UBXN4: variants seen among roughly 807,000 people sequenced by gnomAD.
The protein encoded by UBXN4 is UBX domain-containing protein 4.
UBXN4 carries 35 observed loss-of-function variants against 66.2 expected under a neutral mutation model. The ratio of observed to expected loss-of-function variants is 0.53; its 90% CI spans 0.40 to 0.70. The LOEUF (loss-of-function observed/expected upper bound fraction) is 0.70. Ranked by LOEUF, UBXN4 falls within the 30% of genes least tolerant of loss-of-function variation. The pLI is 0.00. For synonymous variants in UBXN4, 203 were observed against 204.5 expected, an observed-to-expected ratio of 0.99 and a Z score of 0.06; for missense variants, 533 against 599.8, an observed-to-expected ratio of 0.89 and a Z score of 1.16.
intron 10 of UBXN4, among the ~76,000 whole-genome samples, chr2:135,777,325 T>G (rs1378672023): frequency 6.6e-6 from 1 of 152,182 alleles, no homozygotes; most frequent in Non-Finnish European, 1.5e-5. Flanking sequence ...AGGTTAAAAT[T>G]AGGGATTTGG....
chr2:135,765,454 G>T (rs1036280269), intron 6 of UBXN4, among the ~76,000 whole-genome samples: 31 of 151,762 alleles, frequency 2.0e-4, no homozygotes, highest in Admixed American at 2.0e-3. Flanking sequence ...CAGGTGATCT[G>T]CCCGCCTCGG....
At chr2:135,759,901 C>T (rs6757544) in intron 5 of UBXN4, among the ~76,000 whole-genome samples, 147,245 of 151,660 alleles carry the variant, frequency 0.97, 71,598 homozygotes, top group Non-Finnish European at 1. Context: ...TCCAAGTAGC[C>T]GGGATTATAG....
At chr2:135,747,172 C>G (rs1320175329) in intron 1 of UBXN4, among the ~76,000 whole-genome samples, 1 of 130,920 alleles carries the variant, frequency 7.6e-6, no homozygotes, top group African/African-American at 2.9e-5. Flanking sequence ...ATAGTGAAAC[C>G]CCATCTCTAC....
intron 10 of UBXN4, among the ~76,000 whole-genome samples, chr2:135,776,910 A>G (rs1177434266): frequency 2.6e-5 from 4 of 152,074 alleles, no homozygotes; most frequent in Non-Finnish European, 5.9e-5. Flanking sequence ...AACTTTTTTC[A>G]CTGATTAGTA....
Position 135,774,674 on chromosome 2 carries a change from G to A in UBXN4, c.951-1575G>A, listed in dbSNP as rs188048800. On this transcript the variant is annotated intron_variant, in intron 9 of 12. Coordinates refer to ENST00000272638, the MANE Select transcript of UBXN4 (RefSeq NM_014607.4). ...AGCCTCGCCAACGTGGCAAAAAACC[G>A]TCCCTACTAAAAATACAAAAATTAA... Among the ~76,000 whole-genome samples, 16 of 152,022 alleles carry A rather than the reference G, an allele frequency of 1.1e-4. No homozygotes were observed. In the East Asian group the frequency reaches 2.9e-3, roughly 28 times the overall value.
intron 9 of UBXN4, among the ~76,000 whole-genome samples, chr2:135,773,010 C>T (rs1186051005): frequency 7.9e-6 from 1 of 126,782 alleles, no homozygotes; most frequent in Non-Finnish European, 1.6e-5. Flanking sequence ...GCACTCCAGC[C>T]TGGGCGACAG....
At position 135,782,736 on chromosome 2, in the gene UBXN4, T is replaced by C. The variant is rs1191493605; in HGVS notation, c.1389-13T>C. On this transcript the variant is annotated splice_polypyrimidine_tract_variant and intron_variant, in intron 12 of 12. Transcript: ENST00000272638. ...TATGACATCTTCCCCTTGCTCCCTC[T>C]TTTTCGTATCAGGGAACCAGTGAGA... 2.5e-6 allele frequency: 4 copies of C among 1,609,396 alleles called. No homozygotes were observed. Among genetic ancestry groups the C allele is most frequent in the Non-Finnish European group, 3.4e-6 (4 of 1,178,642 alleles).
intron 3 of UBXN4, 177 bp from the exon 4 acceptor site, chr2:135,753,982 C>T: frequency 1.8e-6 from 1 of 542,166 alleles, no homozygotes; most frequent in Middle Eastern, 4.9e-4. Flanking sequence ...CATAAATTAA[C>T]ATGTCACATG....
intron 4 of UBXN4, among the ~76,000 whole-genome samples, chr2:135,755,075 C>G (rs1279225310): frequency 6.6e-6 from 1 of 152,238 alleles, no homozygotes; most frequent in Non-Finnish European, 1.5e-5. Context: ...TGAGCCACCA[C>G]ACCTAGCCAT....
intron 6 of UBXN4, among the ~76,000 whole-genome samples, chr2:135,768,458 A>G (rs1443760087): frequency 6.6e-6 from 1 of 151,972 alleles, no homozygotes; most frequent in Non-Finnish European, 1.5e-5. Context: ...CGGCCTCCCA[A>G]AGTGGTGGGA....
chr2:135,758,530 CTATT>C (rs986274346), intron 5 of UBXN4, among the ~76,000 whole-genome samples: 13 of 151,956 alleles, frequency 8.6e-5, no homozygotes, highest in African/African-American at 2.9e-4. Context: ...CTTTTTAAAA[CTATT>C]TATTATGGAA....
intron 10 of UBXN4, among the ~76,000 whole-genome samples, chr2:135,777,730 A>G (rs1253972332): frequency 6.6e-6 from 1 of 151,060 alleles, no homozygotes; most frequent in Non-Finnish European, 1.5e-5. Flanking sequence ...TAAAAATACA[A>G]AAATTAGCCG....
chr2:135,772,649 C>A, intron 9 of UBXN4, 102 bp downstream of exon 9: 1 of 1,431,692 alleles, frequency 7.0e-7, no homozygotes. Flanking sequence ...TATAAGCAGT[C>A]CATTCCAGAG....
At chr2:135,774,061 T>C (rs1043645397) in intron 9 of UBXN4, among the ~76,000 whole-genome samples, 1 of 152,130 alleles carries the variant, frequency 6.6e-6, no homozygotes, top group Non-Finnish European at 1.5e-5. Flanking sequence ...AGAAACACAA[T>C]AGTTAAAACA....
Position 135,770,637 on chromosome 2 carries a change from C to G in UBXN4, c.724C>G (p.Gln242Glu). ...GKEMLDYKRKQEEELTKRMLE... is the reference protein window; with the variant it reads ...GKEMLDYKRKEEEELTKRMLE... ...AGAAATGTTGGATTATAAAAGAAAA[C>G]AAGAAGAAGAATTAACAAAAAGAAT... The change falls in exon 8 of 13, where the codon CAA becomes GAA. Residue 242 changes from glutamine (Q) to glutamate (E), a missense_variant. Physicochemically the swap from Gln to Glu is conservative, Grantham distance 29. Transcript: ENST00000272638. The G allele has an allele frequency of 6.4e-7, 1 of 1,562,962 alleles. No homozygotes were observed. Among genetic ancestry groups the G allele is most frequent in the Non-Finnish European group, 8.6e-7 (1 of 1,160,096 alleles).
chr2:135,761,892 C>T lies in UBXN4; in HGVS notation c.583C>T (p.Leu195Phe), dbSNP rs1357805660. 4.3e-6 allele frequency: 7 copies of T among 1,613,256 alleles called. No individual in the cohort carries two copies. The South Asian group carries it at 5.5e-5, about 13-fold the overall frequency. Residue 195 changes from leucine (L) to phenylalanine (F), a missense_variant, in exon 6 of 13, where the codon CTC (leucine) becomes TTC (phenylalanine). Around this residue, in one of 2 missense-constraint regions of UBXN4, gnomAD observed 529 missense variants for 580.1 expected, o/e 0.91. Transcript: ENST00000272638. ...CTCAGATCAGAGACCTGCAGAGGAC[C>T]TCAACATCCGAGTGGAAAGGTTTGC... ...GCSDQRPAED[L>F]NIRVERLTKK...
chr2:135,770,576 A>G lies in UBXN4; in HGVS notation c.663A>G (p.Glu221=), dbSNP rs202213104. 1,495 of 1,489,094 alleles carry G rather than the reference A, an allele frequency of 1.0e-3. 1 individual carries two copies. Among genetic ancestry groups the G allele is most frequent in the Non-Finnish European group, 1.2e-3 (1,326 of 1,118,288 alleles). 92.2% of individuals were successfully genotyped at this position (1,489,094 alleles called of 1,614,324 possible). ...EEKRKEEEQR[E]IKKEIERRKT... ...AAACTTTTTCTTTAATTCAGAGAGA[A>G]ATTAAGAAGGAAATTGAGAGGAGAA... The change falls in exon 8 of 13, where the codon GAA becomes GAG. Residue 221 remains glutamate, a synonymous_variant. Transcript: ENST00000272638.
intron 11 of UBXN4, 114 bp from the exon 12 acceptor site, chr2:135,780,069 G>C: frequency 2.1e-6 from 2 of 942,386 alleles, no homozygotes; most frequent in Non-Finnish European, 3.2e-6. Context: ...CCCTCTTGAA[G>C]TAAACTAAAA....
chr2:135,779,616 T>C (rs892121232), intron 11 of UBXN4, among the ~76,000 whole-genome samples: 2 of 152,174 alleles, frequency 1.3e-5, no homozygotes, highest in African/African-American at 4.8e-5. Flanking sequence ...CCCAAAACAG[T>C]TAGCTCTCCA....
Sources: gnomAD v4.1 joint callset for allele counts (sites outside exome capture counted in the v4.1 genomes callset) on GRCh38, gnomAD v4.1.1 for gene constraint, gnomAD v4.1.1 regional missense constraint, MANE v1.5 for transcripts, NCBI Gene and HGNC (gene_info 2026-07-23, HGNC 2026-07-21) for gene names.